Variants in CPEB3 observed in about 807,000 individuals in gnomAD.
CPEB3 encodes cytoplasmic polyadenylation element-binding protein 3.
A neutral mutation model predicts 67.2 loss-of-function variants in CPEB3; 20 were observed. The observed-to-expected ratio is 0.30, with a 90% CI of 0.21 to 0.43. The LOEUF (loss-of-function observed/expected upper bound fraction) is 0.43, where lower values mean the gene tolerates loss of function less well. Ranked by LOEUF, CPEB3 falls within the 20% of genes least tolerant of loss-of-function variation. The pLI, the probability that CPEB3 is intolerant of heterozygous loss-of-function variation, is 1.00. For missense variants in CPEB3, 746 were observed against 968.6 expected (o/e 0.77, Z 3.05); for synonymous variants, 376 against 393.1 (o/e 0.96, Z 0.51).
rs150608039 is a variant in CPEB3 at position 92,205,138 on chromosome 10, T to C, written c.1006-12502A>G. On this transcript the variant is annotated intron_variant, in intron 2 of 9. Coordinates refer to ENST00000265997, the MANE Select transcript of CPEB3 (RefSeq NM_014912.5). Reference sequence around the variant, plus strand: ...CAGGTGCAGCTGTCTTAACCACTTTTAAAGCTTTATCATTTTTTAATTTGA... The same window carrying C: ...CAGGTGCAGCTGTCTTAACCACTTTCAAAGCTTTATCATTTTTTAATTTGA... Among the ~76,000 whole-genome samples, 1,319 of 152,298 alleles carry C rather than the reference T, an allele frequency of 8.7e-3. 22 individuals are homozygous for C. The highest frequency in any genetic ancestry group is 0.03 in the African/African-American group (1,231 of 41,568).
chr10:92,251,365 TTC>T (rs1049617124), intron 1 of CPEB3, among the ~76,000 whole-genome samples: 3 of 152,110 alleles, frequency 2.0e-5, no homozygotes, highest in Admixed American at 1.3e-4. Context: ...TGGGATTGTA[TTC>T]TCTCTTCTCT....
intron 1 of CPEB3, among the ~76,000 whole-genome samples, chr10:92,282,475 G>A (rs1842341316): frequency 6.6e-6 from 1 of 151,424 alleles, no homozygotes; most frequent in Non-Finnish European, 1.5e-5. Context: ...GGATCACTAG[G>A]TCAGGAGTTT....
intron 7 of CPEB3, among the ~76,000 whole-genome samples, chr10:92,107,151 T>A (rs887887868): frequency 2.0e-5 from 3 of 152,228 alleles, no homozygotes; most frequent in Non-Finnish European, 4.4e-5. Flanking sequence ...TAAATTGGCC[T>A]TTATTTCCAG....
intron 7 of CPEB3, among the ~76,000 whole-genome samples, chr10:92,094,651 C>T (rs1467546834): frequency 6.6e-6 from 1 of 151,804 alleles, no homozygotes; most frequent in Admixed American, 6.6e-5. Flanking sequence ...GTCTGTTTGA[C>T]TAAATTATCA....
chr10:92,135,066 A>T (rs1185401607), intron 6 of CPEB3, among the ~76,000 whole-genome samples: 3 of 152,332 alleles, frequency 2.0e-5, no homozygotes, highest in Non-Finnish European at 4.4e-5. Flanking sequence ...AAACCCTAGG[A>T]GAAAACCTAG....
At chr10:92,102,816 T>C (rs1844255323) in intron 7 of CPEB3, among the ~76,000 whole-genome samples, 1 of 152,218 alleles carries the variant, frequency 6.6e-6, no homozygotes. Flanking sequence ...CCGTCACAAC[T>C]ACTCCCTCTA....
intron 2 of CPEB3, among the ~76,000 whole-genome samples, chr10:92,203,348 A>ATATATGTATATATATG (rs1303978105): frequency 6.8e-6 from 1 of 146,720 alleles, no homozygotes; most frequent in African/African-American, 2.5e-5. Context: ...ATATATATAT[A>ATATATGTATATATATG]TATATATGTA....
At position 92,150,740 on chromosome 10, in the gene CPEB3, C is replaced by A. The variant is rs185177375; in HGVS notation, c.1223-5655G>T. Reference sequence around the variant, plus strand: ...GAAGTCTTGCTTCACTAACTAGCATCTCTCTAACATATTTCTTTTTTTTAA... The same window carrying A: ...GAAGTCTTGCTTCACTAACTAGCATATCTCTAACATATTTCTTTTTTTTAA... On this transcript the variant is annotated intron_variant, in intron 4 of 9. Transcript: ENST00000265997. 1.2e-3 allele frequency among the ~76,000 whole-genome samples: 176 copies of A among 152,260 alleles called. 4 individuals are homozygous for A. The highest frequency in any genetic ancestry group is 2.2e-3 in the Non-Finnish European group (149 of 68,024).
At chr10:92,159,515 T>G (rs974286965) in intron 4 of CPEB3, among the ~76,000 whole-genome samples, 1 of 151,644 alleles carries the variant, frequency 6.6e-6, no homozygotes, top group Non-Finnish European at 1.5e-5. Context: ...CTACTAAAAA[T>G]ACAAAAATTA....
At chr10:92,260,663 A>G (rs982342711) in intron 1 of CPEB3, among the ~76,000 whole-genome samples, 1 of 151,944 alleles carries the variant, frequency 6.6e-6, no homozygotes, top group Non-Finnish European at 1.5e-5. Context: ...GGAGTGCAAT[A>G]GTGCACCATC....
intron 9 of CPEB3, among the ~76,000 whole-genome samples, chr10:92,077,607 A>C (rs1050469918): frequency 6.6e-6 from 1 of 152,024 alleles, no homozygotes; most frequent in Non-Finnish European, 1.5e-5. Flanking sequence ...AAATACAAAA[A>C]AATTAGCCAT....
At chr10:92,139,105 C>T (rs1422608676) in intron 6 of CPEB3, among the ~76,000 whole-genome samples, 1 of 151,886 alleles carries the variant, frequency 6.6e-6, no homozygotes, top group Non-Finnish European at 1.5e-5. Flanking sequence ...TGAAGAAACC[C>T]CATCTCTACT....
intron 6 of CPEB3, among the ~76,000 whole-genome samples, chr10:92,128,961 A>T (rs1335471720): frequency 6.6e-6 from 1 of 152,160 alleles, no homozygotes; most frequent in African/African-American, 2.4e-5. Flanking sequence ...AAAAACAACT[A>T]CCATTTGAGC....
At chr10:92,203,414 A>G (rs557011209) in intron 2 of CPEB3, among the ~76,000 whole-genome samples, 9 of 146,176 alleles carry the variant, frequency 6.2e-5, no homozygotes, top group South Asian at 2.1e-4. Flanking sequence ...ATATATGTAT[A>G]TGTATATATA....
At chr10:92,258,977 T>G (rs1041627477) in intron 1 of CPEB3, among the ~76,000 whole-genome samples, 2 of 151,050 alleles carry the variant, frequency 1.3e-5, no homozygotes, top group Admixed American at 1.3e-4. Flanking sequence ...TTTCTTTTTT[T>G]TCTTTGAGAC....
intron 2 of CPEB3, among the ~76,000 whole-genome samples, chr10:92,215,729 T>C (rs1454124287): frequency 3.3e-5 from 4 of 120,626 alleles, no homozygotes; most frequent in East Asian, 2.7e-4. Context: ...GCATGAGCCA[T>C]GGCGCCTGGC....
intron 7 of CPEB3, among the ~76,000 whole-genome samples, chr10:92,106,886 G>A (rs1429307932): frequency 6.8e-6 from 1 of 148,096 alleles, no homozygotes; most frequent in East Asian, 2.0e-4. Flanking sequence ...AAGGAAGAAA[G>A]GAATCAAGAT....
At chr10:92,280,292 G>A (rs11186892) in intron 1 of CPEB3, among the ~76,000 whole-genome samples, 32,425 of 135,190 alleles carry the variant, frequency 0.24, 4,550 homozygotes, top group Middle Eastern at 0.39. Context: ...GCAGTGAACC[G>A]AGATTGTGCC....
chr10:92,118,378 C>T (rs976158367), intron 6 of CPEB3, among the ~76,000 whole-genome samples: 4 of 152,114 alleles, frequency 2.6e-5, no homozygotes, highest in African/African-American at 7.2e-5. Context: ...GTGATCCACC[C>T]GCCCCAGCCT....
Sources: allele counts gnomAD v4.1 joint callset (sites outside exome capture counted in the v4.1 genomes callset), GRCh38; gene constraint gnomAD v4.1.1; transcripts MANE v1.5; gene names NCBI Gene and HGNC (gene_info 2026-07-23, HGNC 2026-07-21).